The following MIER1 variants were observed in gnomAD, a reference collection of about 807,000 sequenced individuals.
MIER1 encodes the protein MIER1 transcriptional regulator.
In MIER1, 40 loss-of-function variants were observed where a neutral mutation model predicts 75.7. The observed-to-expected ratio is 0.53, with a 90% CI of 0.41 to 0.69. MIER1 has a LOEUF of 0.69. Among genes scored for constraint, MIER1 ranks in the 30% least tolerant of loss-of-function variants. The probability of loss-of-function intolerance (pLI) is 0.00; values close to 1 mark genes in which losing one functional copy is unlikely to be tolerated. For missense variants in MIER1, 574 were observed against 680.2 expected, an observed-to-expected ratio of 0.84 and a Z score of 1.74; for synonymous variants, 213 against 223.4, an observed-to-expected ratio of 0.95 and a Z score of 0.42.
At position 66,973,009 on chromosome 1, in the gene MIER1, CTT is replaced by C; in HGVS notation, c.1101+23_1101+24del. The stretch of plus-strand genomic sequence containing the variant: ...CTAATAAAGTAAGTAATGATAATCT[CTT>C]TTTTGCAAAAAGAAATTTAGTTGAA... On this transcript the variant is annotated intron_variant, in intron 11 of 13. Transcript: ENST00000401041. 1 of 1,439,514 alleles carries C rather than the reference CTT, an allele frequency of 6.9e-7. No individual in the cohort carries two copies. Among genetic ancestry groups the C allele is most frequent in the Non-Finnish European group, 9.7e-7 (1 of 1,026,002 alleles). 89.2% of individuals were successfully genotyped at this position (1,439,514 alleles called of 1,614,324 possible).
chr1:66,963,050 C>G (rs1266833211), intron 7 of MIER1, 38 bp from the exon 8 acceptor site: 1 of 1,343,054 alleles, frequency 7.4e-7, no homozygotes, highest in Non-Finnish European at 1.1e-6. Flanking sequence ...AAATCTGTTA[C>G]TAGATCTTAC....
chr1:66,958,243 A>C, intron 5 of MIER1, 23 bp downstream of exon 5: 1 of 1,542,072 alleles, frequency 6.5e-7, no homozygotes, highest in Non-Finnish European at 8.8e-7. Context: ...ACATATATTT[A>C]AGATTGTAGT....
intron 3 of MIER1, among the ~76,000 whole-genome samples, chr1:66,943,049 T>C (rs1173303608): frequency 1.3e-5 from 2 of 152,182 alleles, no homozygotes; most frequent in Admixed American, 1.3e-4. Flanking sequence ...GATAATAGTA[T>C]ACAAAGGGAT....
intron 6 of MIER1, among the ~76,000 whole-genome samples, chr1:66,959,251 T>C (rs1259630343): frequency 6.6e-6 from 1 of 152,164 alleles, no homozygotes; most frequent in African/African-American, 2.4e-5. Context: ...CATGGTCATC[T>C]TTTTGTTTCT....
At chr1:66,951,604 A>AG (rs1658969584) in intron 4 of MIER1, among the ~76,000 whole-genome samples, 1 of 151,548 alleles carries the variant, frequency 6.6e-6, no homozygotes, top group African/African-American at 2.4e-5. Flanking sequence ...TTTTAGAGAC[A>AG]GGGTCTCGTT....
At position 66,987,844 on chromosome 1, in the gene MIER1, A is replaced by C. The variant is rs892230221; in HGVS notation, c.*2944A>C. On this transcript the variant is annotated 3_prime_UTR_variant, in exon 14 of 14. Coordinates refer to ENST00000401041, the MANE Select transcript of MIER1 (RefSeq NM_001077700.3). ...TCAGTGGTTCTTGGTCCCCTTTACC[A>C]CATCTTGGGTGATGTATTTTTGTCT... 3.3e-5 allele frequency: 5 copies of C among 152,184 alleles called. No homozygotes were observed. The highest frequency in any genetic ancestry group is 5.9e-5 in the Non-Finnish European group (4 of 67,954). 9.4% of individuals were successfully genotyped at this position (152,184 alleles called of 1,614,324 possible). A position where few individuals can be genotyped will look rare whatever the true frequency, so the allele number is the denominator to read the frequency against.
intron 4 of MIER1, chr1:66,948,023 A>G: frequency 2.0e-6 from 2 of 980,790 alleles, no homozygotes; most frequent in South Asian, 9.4e-5. Flanking sequence ...TTTTTTAACC[A>G]CTGTCCCCTA....
intron 4 of MIER1, among the ~76,000 whole-genome samples, chr1:66,953,157 G>T (rs1207310155): frequency 1.3e-5 from 2 of 152,200 alleles, no homozygotes; most frequent in Admixed American, 6.5e-5. Flanking sequence ...GGTCAAGGAG[G>T]TGAACTTTCA....
intron 13 of MIER1, among the ~76,000 whole-genome samples, chr1:66,983,255 T>G (rs1187462894): frequency 6.6e-6 from 1 of 152,240 alleles, no homozygotes; most frequent in Admixed American, 6.5e-5. Flanking sequence ...ATTTTTGACC[T>G]AATCACAGTC....
chr1:66,925,083 A>G lies in MIER1; in HGVS notation c.55A>G (p.Ser19Gly), dbSNP rs1651154783. The change falls in exon 1 of 14, where the codon AGC (serine) becomes GGC (glycine). Residue 19 changes from serine (S) to glycine (G), a missense_variant. Coordinates refer to ENST00000401041, the MANE Select transcript of MIER1 (RefSeq NM_001077700.3). The stretch of plus-strand genomic sequence containing the variant: ...CAGCAGCGAAGGTGGCGGCGGCAGC[A>G]GCGGCAGCGGCTGTAAGTGCAGCCT... ...GGSSEGGGGS[S>G]GSGYGVVARF... The G allele has an allele frequency of 1.3e-6, 2 of 1,546,918 alleles. No homozygotes were observed. Among genetic ancestry groups the G allele is most frequent in the Admixed American group, 2.0e-5 (1 of 49,296 alleles).
intron 8 of MIER1, among the ~76,000 whole-genome samples, chr1:66,966,099 A>G (rs1662331950): frequency 2.6e-5 from 4 of 151,776 alleles, no homozygotes; most frequent in Admixed American, 2.0e-4. Flanking sequence ...GGTTTCTTAC[A>G]TATGTGTACA....
chr1:66,983,174 G>A (rs1057340324), intron 13 of MIER1, among the ~76,000 whole-genome samples: 1 of 151,462 alleles, frequency 6.6e-6, no homozygotes, highest in Admixed American at 6.6e-5. Context: ...AGGAAGGAAG[G>A]AACTTTTCAT....
intron 4 of MIER1, among the ~76,000 whole-genome samples, chr1:66,953,541 T>C (rs991294162): frequency 6.6e-6 from 1 of 152,132 alleles, no homozygotes; most frequent in African/African-American, 2.4e-5. Flanking sequence ...TCACTTGATA[T>C]TGGGTGACAG....
intron 13 of MIER1, among the ~76,000 whole-genome samples, chr1:66,983,337 T>G (rs12133567): frequency 0.12 from 18,238 of 152,274 alleles, 1,261 homozygotes; most frequent in Non-Finnish European, 0.15. Flanking sequence ...AATCCCCATG[T>G]GCATTCATGA....
At chr1:66,982,382 GTA>G (rs1666075602) in intron 13 of MIER1, among the ~76,000 whole-genome samples, 1 of 152,092 alleles carries the variant, frequency 6.6e-6, no homozygotes, top group Admixed American at 6.6e-5. Context: ...GATAAAGCCG[GTA>G]TCAACCTGTA....
At position 66,926,118 on chromosome 1, in the gene MIER1, G is replaced by A. The variant is rs768180074; in HGVS notation, c.68-24G>A. The A allele has an allele frequency of 1.9e-6, 3 of 1,585,610 alleles. No individual in the cohort carries two copies. The Admixed American group carries it at 5.0e-5, about 26-fold the overall frequency. Reference sequence around the variant, plus strand: ...TCATCGTTTCTGTCTCCTTGCTACTGAGGCTCTCTTTCCTTTGATCCAGAT... The same window carrying A: ...TCATCGTTTCTGTCTCCTTGCTACTAAGGCTCTCTTTCCTTTGATCCAGAT... On this transcript the variant is annotated intron_variant, in intron 1 of 13. Coordinates refer to ENST00000401041, the MANE Select transcript of MIER1 (RefSeq NM_001077700.3).
At chr1:66,983,266 G>A (rs1422550583) in intron 13 of MIER1, among the ~76,000 whole-genome samples, 4 of 152,220 alleles carry the variant, frequency 2.6e-5, no homozygotes, top group South Asian at 4.1e-4. Flanking sequence ...AATCACAGTC[G>A]TCAGCTAGCT....
intron 1 of MIER1, 152 bp downstream of exon 1, chr1:66,925,247 C>A: frequency 1.0e-6 from 1 of 983,330 alleles, no homozygotes; most frequent in African/African-American, 1.7e-5. Context: ...GGGGCTGCCG[C>A]AGAACGCGCC....
intron 13 of MIER1, among the ~76,000 whole-genome samples, chr1:66,983,739 T>TG (rs1452891043): frequency 6.6e-6 from 1 of 152,214 alleles, no homozygotes; most frequent in Non-Finnish European, 1.5e-5. Flanking sequence ...ATCTTTTTTT[T>TG]CTTTTTGAGA....
Sources: gnomAD v4.1 joint callset for allele counts (sites outside exome capture counted in the v4.1 genomes callset) on GRCh38, gnomAD v4.1.1 for gene constraint, MANE v1.5 for transcripts, NCBI Gene and HGNC (gene_info 2026-07-23, HGNC 2026-07-21) for gene names.